GABRA5: variants seen among roughly 807,000 people sequenced by gnomAD.
The protein encoded by GABRA5 is gamma-aminobutyric acid receptor subunit alpha-5.
In GABRA5, 18 loss-of-function variants were observed where a neutral mutation model predicts 47.3. That is an observed-to-expected ratio of 0.38 (90% confidence interval 0.26 to 0.56). GABRA5 has a LOEUF of 0.56. Among genes scored for constraint, GABRA5 ranks in the 20% least tolerant of loss-of-function variants. The pLI is 0.71. For missense variants in GABRA5, 365 were observed against 599.3 expected (o/e 0.61, Z 4.08); for synonymous variants, 237 against 229.3 (o/e 1.03, Z -0.30).
At chr15:26,877,927 A>C (rs573532334) in intron 3 of GABRA5, among the ~76,000 whole-genome samples, 2 of 152,342 alleles carry the variant, frequency 1.3e-5, no homozygotes, top group Admixed American at 6.5e-5. Context: ...TTACTTCCCC[A>C]AAGAATGGAG....
intron 9 of GABRA5, among the ~76,000 whole-genome samples, chr15:26,942,787 T>A (rs767382989): frequency 1.3e-5 from 2 of 152,196 alleles, no homozygotes; most frequent in Non-Finnish European, 2.9e-5. Flanking sequence ...ATGTGCTAGA[T>A]GTTAGCAAAA....
Position 26,947,953 on chromosome 15 carries a change from T to C in GABRA5, c.1109T>C (p.Leu370Pro). Residue 370 changes from leucine (L) to proline (P), a missense_variant, in exon 11 of 11, where the codon CTA becomes CCA. Transcript: ENST00000335625. ...AKIKKKREVILNKSTNAFTTG... is the reference protein window; with the variant it reads ...AKIKKKREVIPNKSTNAFTTG... Reference sequence around the variant, plus strand: ...TTGCAGAAAAAGCGTGAAGTCATACTAAATAAGTCAACAAACGCTTTTACA... The same window carrying C: ...TTGCAGAAAAAGCGTGAAGTCATACCAAATAAGTCAACAAACGCTTTTACA... The C allele has an allele frequency of 6.3e-7, 1 of 1,580,412 alleles. No homozygotes were observed. The highest frequency in any genetic ancestry group is 8.6e-7 in the Non-Finnish European group (1 of 1,162,282).
chr15:26,879,661 A>C (rs1892681249), intron 3 of GABRA5, among the ~76,000 whole-genome samples: 1 of 152,196 alleles, frequency 6.6e-6, no homozygotes, highest in Non-Finnish European at 1.5e-5. Context: ...TGTTAGATGC[A>C]ATCAATAAAA....
intron 7 of GABRA5, among the ~76,000 whole-genome samples, chr15:26,920,197 T>G (rs1238426125): frequency 6.6e-6 from 1 of 152,128 alleles, no homozygotes; most frequent in Non-Finnish European, 1.5e-5. Context: ...TTGTTGTTGT[T>G]GTTGTTGTTC....
At chr15:26,911,580 C>T (rs1342779712) in intron 6 of GABRA5, among the ~76,000 whole-genome samples, 1 of 152,132 alleles carries the variant, frequency 6.6e-6, no homozygotes, top group Non-Finnish European at 1.5e-5. Flanking sequence ...TATAAACACA[C>T]GGTATTGGCC....
At chr15:26,924,826 C>A (rs1893922652) in intron 7 of GABRA5, among the ~76,000 whole-genome samples, 1 of 152,130 alleles carries the variant, frequency 6.6e-6, no homozygotes, top group African/African-American at 2.4e-5. Flanking sequence ...CAGTTTTTGT[C>A]TGTTTGTGCC....
At chr15:26,882,365 C>CGCCATG (rs1344063318) in intron 4 of GABRA5, among the ~76,000 whole-genome samples, 1 of 152,156 alleles carries the variant, frequency 6.6e-6, no homozygotes, top group Non-Finnish European at 1.5e-5. Flanking sequence ...CACAGATGCA[C>CGCCATG]GCCATGCAGA....
At chr15:26,911,835 G>A (rs931862612) in intron 6 of GABRA5, among the ~76,000 whole-genome samples, 5 of 152,230 alleles carry the variant, frequency 3.3e-5, no homozygotes, top group Admixed American at 2.6e-4. Flanking sequence ...TCCAGACCCA[G>A]TGGGAAACTG....
intron 3 of GABRA5, among the ~76,000 whole-genome samples, chr15:26,876,299 A>T (rs1892595993): frequency 6.6e-6 from 1 of 152,130 alleles, no homozygotes; most frequent in East Asian, 1.9e-4. Context: ...GTGTTTCCAT[A>T]CTTTGGGAGG....
chr15:26,880,935 G>C lies in GABRA5; in HGVS notation c.176G>C (p.Gly59Ala), dbSNP rs765970761. 2 of 1,613,966 alleles carry C rather than the reference G, an allele frequency of 1.2e-6. No homozygotes were observed. The highest frequency in any genetic ancestry group is 2.2e-5 in the South Asian group (2 of 91,078). Residue 59 changes from glycine (G) to alanine (A), a missense_variant, in exon 4 of 11, where the codon GGC becomes GCC. Gly to Ala is a moderately conservative substitution (Grantham distance 60). Around this residue, in one of 3 missense-constraint regions of GABRA5, gnomAD observed 216 missense variants for 335.3 expected, o/e 0.64. Transcript: ENST00000335625. Reference protein sequence around the residue: ...FTRILDGLLDGYDNRLRPGLG... With the variant: ...FTRILDGLLDAYDNRLRPGLG... ...AGGATCTTGGATGGGCTCTTGGATGGCTACGACAACAGACTTCGGCCCGGG... is the reference window on the plus strand; with the variant it reads ...AGGATCTTGGATGGGCTCTTGGATGCCTACGACAACAGACTTCGGCCCGGG...
chr15:26,880,900 G>A lies in GABRA5; in HGVS notation c.141G>A (p.Thr47=), dbSNP rs1025760792. The A allele has an allele frequency of 1.9e-6, 3 of 1,613,842 alleles. No homozygotes were observed. The highest frequency in any genetic ancestry group is 1.7e-5 in the Admixed American group (1 of 59,994). ...AAGATGAGACCAATGACAACATCACGATATTTACCAGGATCTTGGATGGGC... is the reference window on the plus strand; with the variant it reads ...AAGATGAGACCAATGACAACATCACAATATTTACCAGGATCTTGGATGGGC... ...SVKDETNDNI[T]IFTRILDGLL... is the part of the protein sequence containing the mutation. Residue 47 remains threonine, a synonymous_variant, in exon 4 of 11, where the codon ACG becomes ACA. Coordinates refer to ENST00000335625, the MANE Select transcript of GABRA5 (RefSeq NM_000810.4).
At chr15:26,947,039 G>A (rs940679775) in intron 10 of GABRA5, among the ~76,000 whole-genome samples, 1 of 152,128 alleles carries the variant, frequency 6.6e-6, no homozygotes, top group African/African-American at 2.4e-5. Flanking sequence ...GTACCATGAT[G>A]TTTAATCGCA....
intron 7 of GABRA5, among the ~76,000 whole-genome samples, chr15:26,915,378 G>A (rs551969236): frequency 4.6e-5 from 7 of 152,230 alleles, no homozygotes; most frequent in South Asian, 4.1e-4. Context: ...AGCATTTTAG[G>A]AAATATGTGC....
chr15:26,920,197 T>C (rs1238426125), intron 7 of GABRA5, among the ~76,000 whole-genome samples: 1 of 152,128 alleles, frequency 6.6e-6, no homozygotes, highest in South Asian at 2.1e-4. Context: ...TTGTTGTTGT[T>C]GTTGTTGTTC....
intron 6 of GABRA5, among the ~76,000 whole-genome samples, chr15:26,896,310 C>G (rs1315731281): frequency 6.6e-6 from 1 of 152,010 alleles, no homozygotes; most frequent in African/African-American, 2.4e-5. Context: ...ATGTTTTAAC[C>G]CTGCTTTAAA....
chr15:26,882,224 C>T (rs561965885), intron 4 of GABRA5, among the ~76,000 whole-genome samples: 1 of 152,316 alleles, frequency 6.6e-6, no homozygotes, highest in African/African-American at 2.4e-5. Context: ...TCCTCTCTGC[C>T]TTCCAGTCCT....
intron 6 of GABRA5, among the ~76,000 whole-genome samples, chr15:26,910,067 A>AAT (rs755408239): frequency 7.4e-5 from 10 of 135,036 alleles, no homozygotes; most frequent in Non-Finnish European, 9.7e-5. Flanking sequence ...GAATGAAATA[A>AAT]ATGTTTTTTT....
chr15:26,890,785 C>T (rs576052801), intron 6 of GABRA5, among the ~76,000 whole-genome samples: 4 of 152,092 alleles, frequency 2.6e-5, no homozygotes, highest in African/African-American at 7.2e-5. Flanking sequence ...CCTGTCATCC[C>T]GGCACTGGGC....
intron 6 of GABRA5, among the ~76,000 whole-genome samples, chr15:26,884,407 C>T (rs965589173): frequency 6.6e-6 from 1 of 151,966 alleles, no homozygotes; most frequent in African/African-American, 2.4e-5. Flanking sequence ...ATGAGAAAGG[C>T]TCCTTTAGAG....
Sources: gnomAD v4.1 joint callset for allele counts (sites outside exome capture counted in the v4.1 genomes callset) on GRCh38, gnomAD v4.1.1 for gene constraint, gnomAD v4.1.1 regional missense constraint, MANE v1.5 for transcripts, NCBI Gene and HGNC (gene_info 2026-07-23, HGNC 2026-07-21) for gene names.